Variants in IDH2 observed in about 807,000 individuals in gnomAD.
IDH2 encodes the protein isocitrate dehydrogenase (NADP(+)) 2.
A neutral mutation model predicts 50.5 loss-of-function variants in IDH2; 18 were observed. That is an observed-to-expected ratio of 0.36 (90% CI 0.25 to 0.53). The LOEUF is 0.53. Ranked by LOEUF, IDH2 falls within the 20% of genes least tolerant of loss-of-function variation. The pLI is 0.92. For missense variants in IDH2, 518 were observed against 610.7 expected (o/e 0.85, Z 1.60); for synonymous variants, 280 against 239.8 (o/e 1.17, Z -1.55).
chr15:90,084,216 C>T lies in IDH2; in HGVS notation c.*50G>A, dbSNP rs537451132. 2.0e-5 allele frequency: 31 copies of T among 1,537,572 alleles called. No individual in the cohort carries two copies. Among genetic ancestry groups the T allele is most frequent in the Middle Eastern group, 2.0e-4 (1 of 5,020 alleles). On this transcript the variant is annotated 3_prime_UTR_variant, in exon 11 of 11. Transcript: ENST00000330062. This position sits in a 1 kb window ranked among gnomAD's most constrained non-coding sequence, Gnocchi z 5.0. ...ACCCTCTGCCGCGCTCAGGAGGACCCGCCGGCTCAGCCCTGGCCCCTCCAC... is the reference window on the plus strand; with the variant it reads ...ACCCTCTGCCGCGCTCAGGAGGACCTGCCGGCTCAGCCCTGGCCCCTCCAC...
chr15:90,091,711 C>T, intron 1 of IDH2, 67 bp from the exon 2 acceptor site: 3 of 1,237,188 alleles, frequency 2.4e-6, no homozygotes, highest in Non-Finnish European at 3.6e-6. Context: ...CTCCTCCCAG[C>T]CAGGCCCGCC....
chr15:90,085,634 G>T lies in IDH2; in HGVS notation c.968-247C>A, dbSNP rs1900841305. ...ATCACCAGCACATTAACATCCATCTGTGTCACCAGCTCCAGGCGCCCCACA... is the reference window on the plus strand; with the variant it reads ...ATCACCAGCACATTAACATCCATCTTTGTCACCAGCTCCAGGCGCCCCACA... On this transcript the variant is annotated intron_variant, in intron 7 of 10. Transcript: ENST00000330062. The surrounding 1 kb of genome is among the most constrained non-coding windows in gnomAD (Gnocchi z 5.5). Among the ~76,000 whole-genome samples the T allele has an allele frequency of 6.6e-6, 1 of 152,170 alleles. No individual in the cohort carries two copies. The highest frequency in any genetic ancestry group is 1.5e-5 in the Non-Finnish European group (1 of 68,026).
chr15:90,091,990 G>A lies in IDH2; in HGVS notation c.116-346C>T, dbSNP rs142097606. Reference sequence around the variant, plus strand: ...ACCTGAGCTCATGCCTGGGAACTGCGCACACGAGGGATCTAGGTTGCATAC... The same window carrying A: ...ACCTGAGCTCATGCCTGGGAACTGCACACACGAGGGATCTAGGTTGCATAC... On this transcript the variant is annotated intron_variant, in intron 1 of 10. Coordinates refer to ENST00000330062, the MANE Select transcript of IDH2 (RefSeq NM_002168.4). 4.3e-3 allele frequency among the ~76,000 whole-genome samples: 651 copies of A among 152,270 alleles called. 8 individuals are homozygous for A. Among genetic ancestry groups the A allele is most frequent in the South Asian group, 6.0e-3 (29 of 4,826 alleles).
intron 1 of IDH2, among the ~76,000 whole-genome samples, chr15:90,099,525 T>G (rs1446069877): frequency 6.6e-6 from 1 of 152,206 alleles, no homozygotes; most frequent in Non-Finnish European, 1.5e-5. Context: ...TAGAGTGCAG[T>G]GGCACAATTG....
At position 90,085,243 on chromosome 15, in the gene IDH2, G is replaced by A. The variant is rs1435141157; in HGVS notation, c.1080+32C>T. 3 of 1,534,204 alleles carry A rather than the reference G, an allele frequency of 2.0e-6. No homozygotes were observed. In the East Asian group the frequency reaches 7.2e-5, roughly 37 times the overall value. Reference sequence around the variant, plus strand: ...TGGGCTTTAGGCCCCTGGGGTAGAGGGGCATTGTGAGGCCCCATGCCCTGC... The same window carrying A: ...TGGGCTTTAGGCCCCTGGGGTAGAGAGGCATTGTGAGGCCCCATGCCCTGC... On this transcript the variant is annotated intron_variant, in intron 8 of 10. Transcript: ENST00000330062. This position sits in a 1 kb window ranked among gnomAD's most constrained non-coding sequence, Gnocchi z 5.5.
chr15:90,092,206 A>C (rs1292941036), intron 1 of IDH2, among the ~76,000 whole-genome samples: 1 of 152,084 alleles, frequency 6.6e-6, no homozygotes, highest in Non-Finnish European at 1.5e-5. Context: ...AATGCACTTG[A>C]CTCATCCCAA....
At chr15:90,088,828 C>T (rs2151550157) in intron 3 of IDH2, 81 bp from the exon 4 acceptor site, 4 of 1,488,698 alleles carry the variant, frequency 2.7e-6, no homozygotes, top group Non-Finnish European at 3.7e-6. Context: ...ACAACACAGC[C>T]AGACGGGGGT....
At position 90,088,692 on chromosome 15, in the gene IDH2, C is replaced by A. The variant is rs144712130; in HGVS notation, c.429G>T (p.Leu143=). 5.0e-6 allele frequency: 8 copies of A among 1,614,126 alleles called. No homozygotes were observed. The highest frequency in any genetic ancestry group is 2.2e-5 in the East Asian group (1 of 44,868). Reference sequence around the variant, plus strand: ...TGGGCTCCCGGAAGACAGTCCCCCCCAGGATGTTCCGGATAGTTCCATTGG... The same window carrying A: ...TGGGCTCCCGGAAGACAGTCCCCCCAAGGATGTTCCGGATAGTTCCATTGG... ...KSPNGTIRNI[L]GGTVFREPII... is the part of the protein sequence containing the mutation. The change falls in exon 4 of 11, where the codon CTG becomes CTT. Residue 143 remains leucine (L), a synonymous_variant. Coordinates refer to ENST00000330062, the MANE Select transcript of IDH2 (RefSeq NM_002168.4).
chr15:90,083,119 ATTTTTTTTT>A lies in IDH2; in HGVS notation c.*1138_*1146del, dbSNP rs59583363. 1.9e-4 allele frequency: 12 copies of A among 62,654 alleles called. No individual in the cohort carries two copies. The highest frequency in any genetic ancestry group is 7.5e-4 in the South Asian group (1 of 1,334). The allele number at this position is 62,654 out of a possible 1,614,324, so 3.9% of individuals were successfully genotyped here. A position where few individuals can be genotyped will look rare whatever the true frequency, so the allele number is the denominator to read the frequency against. On this transcript the variant is annotated 3_prime_UTR_variant, in exon 11 of 11. Transcript: ENST00000330062. ...GGGGCTAAAAAACTTGCATAGAGCA[ATTTTTTTTT>A]TTTTTTTTTTTTTTTTTTTTTTGAG...
chr15:90,099,287 G>A (rs1901268185), intron 1 of IDH2, among the ~76,000 whole-genome samples: 2 of 152,074 alleles, frequency 1.3e-5, no homozygotes. Flanking sequence ...GCCAGCCTTC[G>A]CACCATCCTC....
In IDH2 at chr15:90,083,679, AAAAAATC is replaced by A; in HGVS notation, c.*580_*586del. The A allele has an allele frequency of 6.0e-6, 1 of 167,004 alleles. No homozygotes were observed. Among genetic ancestry groups the A allele is most frequent in the Non-Finnish European group, 1.3e-5 (1 of 76,558 alleles). 10.3% of individuals were successfully genotyped at this position (167,004 alleles called of 1,614,324 possible). ...TTTAGAAGGTTAAAACCAACGAAGA[AAAAAATC>A]AATGACAACCTATCAGGAACTGATT... is the stretch of plus-strand genomic sequence containing the variant. On this transcript the variant is annotated 3_prime_UTR_variant, in exon 11 of 11. Coordinates refer to ENST00000330062, the MANE Select transcript of IDH2 (RefSeq NM_002168.4).
At chr15:90,087,789 T>G (rs1435673950) in intron 5 of IDH2, among the ~76,000 whole-genome samples, 1 of 151,874 alleles carries the variant, frequency 6.6e-6, no homozygotes, top group Non-Finnish European at 1.5e-5. Context: ...CTTTTTTTTT[T>G]TTTTGGAAAA....
rs190784844 is a variant in IDH2, at chr15:90,087,995, G to A, written c.678+364C>T. ...AGAGGTGGTCATGTGACTCAGCCTGGCATTGGAGCTGGAACTGGGGATAAA... is the reference window on the plus strand; with the variant it reads ...AGAGGTGGTCATGTGACTCAGCCTGACATTGGAGCTGGAACTGGGGATAAA... On this transcript the variant is annotated intron_variant, in intron 5 of 10. Coordinates refer to ENST00000330062, the MANE Select transcript of IDH2 (RefSeq NM_002168.4). 1.2e-4 allele frequency among the ~76,000 whole-genome samples: 18 copies of A among 152,202 alleles called. No homozygotes were observed. In the East Asian group the frequency reaches 3.5e-3, roughly 29 times the overall value.
At chr15:90,094,452 G>C (rs772827104) in intron 1 of IDH2, among the ~76,000 whole-genome samples, 35 of 152,224 alleles carry the variant, frequency 2.3e-4, no homozygotes, top group Non-Finnish European at 2.6e-4. Flanking sequence ...GCTCAGCTGA[G>C]AGCTGTGCCC....
At chr15:90,101,939 C>T (rs1034549946) in intron 1 of IDH2, among the ~76,000 whole-genome samples, 1 of 151,910 alleles carries the variant, frequency 6.6e-6, no homozygotes, top group South Asian at 2.1e-4. Context: ...GGGCGCAGGG[C>T]GGGCAGGCCA....
At chr15:90,095,592 C>G (rs578196105) in intron 1 of IDH2, among the ~76,000 whole-genome samples, 17 of 152,222 alleles carry the variant, frequency 1.1e-4, no homozygotes, top group Non-Finnish European at 2.1e-4. Flanking sequence ...GCAGGCATGG[C>G]TAGGAGAGTT....
intron 3 of IDH2, among the ~76,000 whole-genome samples, chr15:90,090,059 C>T (rs1054147648): frequency 6.7e-6 from 1 of 149,166 alleles, no homozygotes; most frequent in African/African-American, 2.5e-5. Flanking sequence ...AGAAGCCATC[C>T]TTACTGTGAC....
chr15:90,098,491 CT>C lies in IDH2; in HGVS notation c.115+3784del, dbSNP rs1260476508. Among the ~76,000 whole-genome samples the C allele has an allele frequency of 1.3e-5, 1 of 74,904 alleles. No individual in the cohort carries two copies. Among genetic ancestry groups the C allele is most frequent in the Non-Finnish European group, 3.5e-5 (1 of 28,930 alleles). The allele number at this position is 74,904 out of a possible 152,430, so 49.1% of individuals were successfully genotyped here. On this transcript the variant is annotated intron_variant, in intron 1 of 10. Coordinates refer to ENST00000330062, the MANE Select transcript of IDH2 (RefSeq NM_002168.4). The surrounding 1 kb of genome is among the most constrained non-coding windows in gnomAD (Gnocchi z 5.1). Reference sequence around the variant, plus strand: ...GGGGCTCAAGAAGGCAGGACAGCAACTTTGTATATTTTATGTATGTATGTAT... The same window carrying C: ...GGGGCTCAAGAAGGCAGGACAGCAACTTGTATATTTTATGTATGTATGTAT...
rs201248976 is a variant in IDH2 at position 90,084,851 on chromosome 15, G to T, written c.1236C>A (p.Thr412=). ...CVETVESGAM[T]KDLAGCIHGL... ...CGTGAATGCAGCCCGCCAGGTCCTT[G>T]GTCATGGCTCCACTCTCCACCGTCT... Residue 412 remains threonine, a synonymous_variant, in exon 10 of 11, where the codon ACC becomes ACA. Transcript: ENST00000330062. The surrounding 1 kb of genome is among the most constrained non-coding windows in gnomAD (Gnocchi z 5.0). 6.2e-7 allele frequency: 1 copy of T among 1,613,992 alleles called. No individual in the cohort carries two copies. The highest frequency in any genetic ancestry group is 2.2e-5 in the East Asian group (1 of 44,882).
Sources: gnomAD v4.1 joint callset for allele counts (sites outside exome capture counted in the v4.1 genomes callset) on GRCh38, gnomAD v4.1.1 for gene constraint, Gnocchi (gnomAD v3.1) non-coding constraint, MANE v1.5 for transcripts, NCBI Gene and HGNC (gene_info 2026-07-23, HGNC 2026-07-21) for gene names.